The following CDKAL1 variants were observed in gnomAD, a reference collection of about 807,000 sequenced individuals.
CDKAL1 encodes the protein threonylcarbamoyladenosine tRNA methylthiotransferase.
CDKAL1 carries 32 observed loss-of-function variants against 68.2 expected under a neutral mutation model. The ratio of observed to expected loss-of-function variants is 0.47; its 90% CI spans 0.35 to 0.63. The LOEUF is 0.63. Ranked by LOEUF, CDKAL1 falls within the 30% of genes least tolerant of loss-of-function variation. The pLI is 0.00. For missense variants in CDKAL1, 606 were observed against 696.7 expected (o/e 0.87, Z 1.47); for synonymous variants, 234 against 244.3 (o/e 0.96, Z 0.39).
At position 20,945,081 on chromosome 6, in the gene CDKAL1, C is replaced by CAG. The variant is rs1315713687; in HGVS notation, c.743-10337_743-10336insGA. On this transcript the variant is annotated intron_variant, in intron 9 of 15. Transcript: ENST00000274695. ...ATGTGCACACACACGTACACACACA[C>CAG]ACACACACACACACAACCTTTTTAC... Among the ~76,000 whole-genome samples, 8 of 151,760 alleles carry CAG rather than the reference C, an allele frequency of 5.3e-5. No individual in the cohort carries two copies. The East Asian group carries it at 1.5e-3, about 29-fold the overall frequency.
chr6:20,931,659 C>T (rs1763467751), intron 9 of CDKAL1, among the ~76,000 whole-genome samples: 1 of 152,142 alleles, frequency 6.6e-6, no homozygotes, highest in Non-Finnish European at 1.5e-5. Context: ...AACATTTGCC[C>T]TTCCTAAAAG....
chr6:21,074,325 G>T (rs1771951691), intron 12 of CDKAL1, among the ~76,000 whole-genome samples: 2 of 152,058 alleles, frequency 1.3e-5, no homozygotes, highest in African/African-American at 2.4e-5. Context: ...TCTTTACATG[G>T]CTGTTTTCTT....
At chr6:20,593,533 T>G (rs1765683367) in intron 4 of CDKAL1, among the ~76,000 whole-genome samples, 1 of 152,064 alleles carries the variant, frequency 6.6e-6, no homozygotes, top group Non-Finnish European at 1.5e-5. Flanking sequence ...TTATCATTTT[T>G]TATTGCGTCT....
At chr6:20,939,206 T>C (rs1763863157) in intron 9 of CDKAL1, among the ~76,000 whole-genome samples, 1 of 152,118 alleles carries the variant, frequency 6.6e-6, no homozygotes, top group Non-Finnish European at 1.5e-5. Context: ...TAGAAGTAAA[T>C]TATATAGTAT....
At chr6:21,155,625 T>C (rs1776607481) in intron 13 of CDKAL1, among the ~76,000 whole-genome samples, 1 of 152,200 alleles carries the variant, frequency 6.6e-6, no homozygotes, top group Non-Finnish European at 1.5e-5. Flanking sequence ...GCCTAGCACG[T>C]ATAGAAGGTT....
chr6:21,018,745 A>G (rs1162057310), intron 11 of CDKAL1, among the ~76,000 whole-genome samples: 1 of 152,052 alleles, frequency 6.6e-6, no homozygotes, highest in African/African-American at 2.4e-5. Context: ...GTTTTCTGTT[A>G]TTACGTTTAT....
intron 5 of CDKAL1, among the ~76,000 whole-genome samples, chr6:20,707,298 A>C (rs535253526): frequency 1.3e-5 from 2 of 152,202 alleles, no homozygotes; most frequent in Admixed American, 1.3e-4. Flanking sequence ...GTTAGTTGCA[A>C]ACCATTAATC....
At chr6:21,106,762 A>G (rs1025714882) in intron 12 of CDKAL1, among the ~76,000 whole-genome samples, 7 of 152,200 alleles carry the variant, frequency 4.6e-5, no homozygotes, top group African/African-American at 7.2e-5. Flanking sequence ...CTTGAGCATC[A>G]GCGGATTTTG....
In CDKAL1 at chr6:20,573,789, A is replaced by T. The variant is rs1400258120; in HGVS notation, c.286+25084A>T. On this transcript the variant is annotated intron_variant, in intron 4 of 15. Transcript: ENST00000274695. ...TGGAAGCATTGTACAGAGAAGACCT[A>T]TTGTTCCTATTGAATAAGGATGCCG... 2.6e-5 allele frequency among the ~76,000 whole-genome samples: 4 copies of T among 152,142 alleles called. No homozygotes were observed. In the East Asian group the frequency reaches 5.8e-4, roughly 22 times the overall value.
chr6:20,721,979 C>G (rs904583731), intron 5 of CDKAL1, among the ~76,000 whole-genome samples: 2 of 152,064 alleles, frequency 1.3e-5, no homozygotes, highest in African/African-American at 2.4e-5. Flanking sequence ...GATCCTCCCC[C>G]CTTGGCCTCC....
intron 13 of CDKAL1, among the ~76,000 whole-genome samples, chr6:21,187,220 G>A (rs1193701033): frequency 6.6e-6 from 1 of 152,118 alleles, no homozygotes; most frequent in African/African-American, 2.4e-5. Context: ...TTCACCACTT[G>A]CCTAAAACAA....
intron 10 of CDKAL1, among the ~76,000 whole-genome samples, chr6:20,962,798 G>C (rs1055613574): frequency 2.0e-5 from 3 of 152,062 alleles, no homozygotes; most frequent in African/African-American, 7.2e-5. Context: ...TTTTCAGCAA[G>C]GAAATGGAAA....
rs1317581690 is a variant in CDKAL1, at chr6:20,765,370, A to G, written c.517+6727A>G. Among the ~76,000 whole-genome samples the G allele has an allele frequency of 1.8e-4, 6 of 32,666 alleles. 2 individuals carry two copies. Among genetic ancestry groups the G allele is most frequent in the Admixed American group, 6.2e-4 (2 of 3,214 alleles). 21.4% of individuals were successfully genotyped at this position (32,666 alleles called of 152,430 possible). A position where few individuals can be genotyped will look rare whatever the true frequency, so the allele number is the denominator to read the frequency against. ...ACGGGGTTTCACCGTTTTAGCCGGG[A>G]TGGTCTCGATCTCCTGACCTCGTGA... On this transcript the variant is annotated intron_variant, in intron 7 of 15. Transcript: ENST00000274695.
At chr6:20,581,582 G>A (rs1030192425) in intron 4 of CDKAL1, among the ~76,000 whole-genome samples, 1 of 152,026 alleles carries the variant, frequency 6.6e-6, no homozygotes, top group African/African-American at 2.4e-5. Flanking sequence ...CATTCTTTAT[G>A]AAATGTCAGT....
At chr6:20,937,495 T>G (rs903485017) in intron 9 of CDKAL1, among the ~76,000 whole-genome samples, 10 of 152,208 alleles carry the variant, frequency 6.6e-5, no homozygotes, top group African/African-American at 2.4e-4. Flanking sequence ...ATTTCACCCA[T>G]TGTTTCACTA....
At chr6:20,587,513 G>A (rs546939688) in intron 4 of CDKAL1, among the ~76,000 whole-genome samples, 3 of 151,944 alleles carry the variant, frequency 2.0e-5, no homozygotes, top group African/African-American at 7.2e-5. Context: ...TGGGAGGATC[G>A]CTTTAGCCCA....
rs947092491 is a variant in CDKAL1 at position 20,768,622 on chromosome 6, C to T, written c.517+9979C>T. 3.2e-4 allele frequency among the ~76,000 whole-genome samples: 49 copies of T among 152,074 alleles called. 2 individuals carry two copies. Reference sequence around the variant, plus strand: ...GTTCTTGGACTCTTTTGCCCTTCCTCCATTCAGTTGTAATGCAGTTCTGGG... The same window carrying T: ...GTTCTTGGACTCTTTTGCCCTTCCTTCATTCAGTTGTAATGCAGTTCTGGG... On this transcript the variant is annotated intron_variant, in intron 7 of 15. Transcript: ENST00000274695.
At chr6:20,712,203 T>C (rs1232189662) in intron 5 of CDKAL1, among the ~76,000 whole-genome samples, 2 of 151,588 alleles carry the variant, frequency 1.3e-5, no homozygotes, top group Admixed American at 6.6e-5. Context: ...CAAGAGAGAG[T>C]GGTAACAGAA....
In CDKAL1 at chr6:20,562,549, A is replaced by G. The variant is rs891566858; in HGVS notation, c.286+13844A>G. 2.0e-5 allele frequency among the ~76,000 whole-genome samples: 3 copies of G among 151,892 alleles called. No individual in the cohort carries two copies. The South Asian group carries it at 6.2e-4, about 32-fold the overall frequency. On this transcript the variant is annotated intron_variant, in intron 4 of 15. Transcript: ENST00000274695. ...AGGTTAGGAGTTCCAGAAGAGCCTG[A>G]CCAACATGGTGAAACCTCGTCCCTA...
Sources: gnomAD v4.1 joint callset for allele counts (sites outside exome capture counted in the v4.1 genomes callset) on GRCh38, gnomAD v4.1.1 for gene constraint, MANE v1.5 for transcripts, NCBI Gene and HGNC (gene_info 2026-07-23, HGNC 2026-07-21) for gene names.